Variants in DESI2 observed in about 807,000 individuals in gnomAD.
The protein encoded by DESI2 is deubiquitinase DESI2.
In DESI2, 10 loss-of-function variants were observed where a neutral mutation model predicts 24.1. The observed-to-expected ratio is 0.41, with a 90% confidence interval of 0.26 to 0.70. DESI2 has a LOEUF of 0.70. DESI2 is among the 30% of genes least tolerant of loss of function. The pLI, the probability that DESI2 is intolerant of heterozygous loss-of-function variation, is 0.29. For missense variants in DESI2, 122 were observed against 234.9 expected (o/e 0.52, Z 3.14); for synonymous variants, 71 against 87.7 (o/e 0.81, Z 1.06).
At chr1:244,690,204 T>C (rs1351099477) in intron 3 of DESI2, among the ~76,000 whole-genome samples, 2 of 152,168 alleles carry the variant, frequency 1.3e-5, no homozygotes, top group African/African-American at 4.8e-5. Context: ...TTTCTCCTAA[T>C]GCTATCCCTC....
chr1:244,653,240 C>A lies in DESI2; in HGVS notation c.-74C>A. ...CGGCTCAGGCCCCCTGAAGCGCCCG[C>A]GGGGGTGAGAGCGGCCTCCGGCCCC... On this transcript the variant is annotated 5_prime_UTR_variant, in exon 1 of 5. Transcript: ENST00000302550. 7.1e-7 allele frequency: 1 copy of A among 1,414,900 alleles called. No homozygotes were observed. The highest frequency in any genetic ancestry group is 1.6e-5 in the South Asian group (1 of 62,394). The allele number at this position is 1,414,900 out of a possible 1,614,324, so 87.6% of individuals were successfully genotyped here. A position where few individuals can be genotyped will look rare whatever the true frequency, so the allele number is the denominator to read the frequency against.
rs1275102749 is a variant in DESI2 at position 244,691,309 on chromosome 1, G to A, written c.210-570G>A. Among the ~76,000 whole-genome samples, 3 of 152,204 alleles carry A rather than the reference G, an allele frequency of 2.0e-5. No homozygotes were observed. In the East Asian group the frequency reaches 5.8e-4, roughly 29 times the overall value. On this transcript the variant is annotated intron_variant, in intron 3 of 4. Transcript: ENST00000302550. ...TCACCGTGTTGGCCAGGCTGGTCTC[G>A]AACTCCTGACCTCAGGTGATCTGCC...
intron 1 of DESI2, among the ~76,000 whole-genome samples, chr1:244,661,656 G>T (rs1473580674): frequency 6.6e-6 from 1 of 151,776 alleles, no homozygotes; most frequent in South Asian, 2.1e-4. Flanking sequence ...GAGAACATGC[G>T]GTGTTTGGTT....
intron 1 of DESI2, among the ~76,000 whole-genome samples, chr1:244,666,198 G>A (rs905254): frequency 0.8 from 121,015 of 152,058 alleles, 48,418 homozygotes; most frequent in South Asian, 0.86. Flanking sequence ...GAAGAGAAAA[G>A]AAAAGGCAGT....
intron 1 of DESI2, among the ~76,000 whole-genome samples, chr1:244,671,688 C>G (rs1676252760): frequency 6.6e-6 from 1 of 152,198 alleles, no homozygotes; most frequent in African/African-American, 2.4e-5. Context: ...AGAAATCTTG[C>G]TAACATCCAG....
intron 1 of DESI2, chr1:244,653,966 C>T (rs1213964737): frequency 8.5e-6 from 4 of 471,070 alleles, no homozygotes; most frequent in Non-Finnish European, 1.8e-5. Flanking sequence ...AATAGCCCAG[C>T]TGAATTATTT....
At chr1:244,670,893 CT>C (rs1239149084) in intron 1 of DESI2, among the ~76,000 whole-genome samples, 1 of 152,180 alleles carries the variant, frequency 6.6e-6, no homozygotes, top group Non-Finnish European at 1.5e-5. Flanking sequence ...CTTGGATAAT[CT>C]TTTTTAAATT....
intron 1 of DESI2, among the ~76,000 whole-genome samples, chr1:244,654,760 A>G (rs1251050492): frequency 6.6e-6 from 1 of 152,194 alleles, no homozygotes; most frequent in African/African-American, 2.4e-5. Context: ...TTATCTTTCA[A>G]GACTCTTAAC....
At chr1:244,667,839 G>T (rs143016919) in intron 1 of DESI2, among the ~76,000 whole-genome samples, 3 of 152,316 alleles carry the variant, frequency 2.0e-5, no homozygotes, top group Non-Finnish European at 2.9e-5. Context: ...GGCCTCCAGA[G>T]GTGACCAGCC....
chr1:244,665,458 G>C (rs948659301), intron 1 of DESI2, among the ~76,000 whole-genome samples: 1 of 152,068 alleles, frequency 6.6e-6, no homozygotes, highest in Non-Finnish European at 1.5e-5. Flanking sequence ...TCTGCACTCT[G>C]TGGCACTCAT....
chr1:244,698,646 C>G (rs1450176437), intron 4 of DESI2, among the ~76,000 whole-genome samples: 1 of 152,226 alleles, frequency 6.6e-6, no homozygotes, highest in East Asian at 1.9e-4. Flanking sequence ...CTCCTACACA[C>G]TATTTCAGTC....
chr1:244,705,499 G>A, intron 4 of DESI2, 57 bp from the exon 5 acceptor site: 1 of 1,475,968 alleles, frequency 6.8e-7, no homozygotes, highest in Non-Finnish European at 9.5e-7. Context: ...CTCCCTGGCA[G>A]TGGACCAGGT....
At chr1:244,676,371 C>T (rs540711035) in intron 1 of DESI2, among the ~76,000 whole-genome samples, 15 of 152,224 alleles carry the variant, frequency 9.9e-5, no homozygotes, top group African/African-American at 3.4e-4. Context: ...GCCACCGCGC[C>T]TGGCCTACAA....
At position 244,690,708 on chromosome 1, in the gene DESI2, C is replaced by CAA. The variant is rs34260121; in HGVS notation, c.210-1155_210-1154dup. 2.4e-3 allele frequency among the ~76,000 whole-genome samples: 170 copies of CAA among 70,368 alleles called. 1 individual carries two copies. Among genetic ancestry groups the CAA allele is most frequent in the Middle Eastern group, 9.6e-3 (1 of 104 alleles). 46.2% of individuals were successfully genotyped at this position (70,368 alleles called of 152,430 possible). A position where few individuals can be genotyped will look rare whatever the true frequency, so the allele number is the denominator to read the frequency against. On this transcript the variant is annotated intron_variant, in intron 3 of 4. Transcript: ENST00000302550. ...CAACAAGAGTAAATCTCCGTCTCAC[C>CAA]AAAAAAAAAAAAAAAAAGTGATATT...
intron 2 of DESI2, among the ~76,000 whole-genome samples, chr1:244,688,520 C>G (rs1269165528): frequency 1.3e-5 from 2 of 152,052 alleles, no homozygotes; most frequent in African/African-American, 4.8e-5. Context: ...TTAAATTTGT[C>G]TACTAAGACT....
intron 1 of DESI2, among the ~76,000 whole-genome samples, chr1:244,660,832 C>T (rs1043335747): frequency 7.2e-5 from 11 of 152,126 alleles, no homozygotes; most frequent in African/African-American, 2.7e-4. Context: ...AATTCTTACC[C>T]ATACGGAATT....
chr1:244,660,057 G>A (rs1198867290), intron 1 of DESI2, among the ~76,000 whole-genome samples: 1 of 152,184 alleles, frequency 6.6e-6, no homozygotes, highest in Non-Finnish European at 1.5e-5. Flanking sequence ...TATAATGGTG[G>A]ATAAAGTTAA....
intron 1 of DESI2, among the ~76,000 whole-genome samples, chr1:244,668,415 T>C (rs1391836917): frequency 6.6e-6 from 1 of 152,210 alleles, no homozygotes; most frequent in Non-Finnish European, 1.5e-5. Flanking sequence ...TCACAACTGA[T>C]ATGGGGCTTT....
chr1:244,691,629 A>G (rs1424316527), intron 3 of DESI2, among the ~76,000 whole-genome samples: 2 of 152,250 alleles, frequency 1.3e-5, no homozygotes, highest in Non-Finnish European at 2.9e-5. Context: ...TATTTCATAA[A>G]GAAAATGACT....
Sources: gnomAD v4.1 joint callset for allele counts (sites outside exome capture counted in the v4.1 genomes callset) on GRCh38, gnomAD v4.1.1 for gene constraint, MANE v1.5 for transcripts, NCBI Gene and HGNC (gene_info 2026-07-23, HGNC 2026-07-21) for gene names.